THY1: variants seen among roughly 807,000 people sequenced by gnomAD.
The protein encoded by THY1 is thy-1 membrane glycoprotein.
THY1 carries 10 observed loss-of-function variants against 14.9 expected under a neutral mutation model. The observed-to-expected ratio is 0.67, with a 90% CI of 0.41 to 1.14. The LOEUF is 1.14. THY1 is among the 50% of genes most tolerant of loss of function. The pLI, the probability that THY1 is intolerant of heterozygous loss-of-function variation, is 0.00. For missense variants in THY1, 159 were observed against 202.1 expected, an observed-to-expected ratio of 0.79 and a Z score of 1.29; for synonymous variants, 80 against 90.0, an observed-to-expected ratio of 0.89 and a Z score of 0.63.
In THY1 at chr11:119,420,168, T is replaced by A; in HGVS notation, c.256A>T (p.Met86Leu). 1 of 1,614,178 alleles carries A rather than the reference T, an allele frequency of 6.2e-7. No individual in the cohort carries two copies. Among genetic ancestry groups the A allele is most frequent in the Non-Finnish European group, 8.5e-7 (1 of 1,180,018 alleles). Reference sequence around the variant, plus strand: ...AAGGCGGATAAGTAGAGGACCTTCATGTTGTATTTGCTGGTGAAGTTGGTT... The same window carrying A: ...AAGGCGGATAAGTAGAGGACCTTCAAGTTGTATTTGCTGGTGAAGTTGGTT... Reference protein sequence around the residue: ...SRTNFTSKYNMKVLYLSAFTS... With the variant: ...SRTNFTSKYNLKVLYLSAFTS... Residue 86 changes from methionine to leucine, a missense_variant, in exon 3 of 4, where the codon ATG becomes TTG. Physicochemically the swap from Met to Leu is conservative, Grantham distance 15. Transcript: ENST00000284240.
chr11:119,419,363 G>T lies in THY1; in HGVS notation c.*45C>A. ...GCTGACTCAGAGAAGTAGGATCTCT[G>T]CACTGGAACTTGAGGCTTCCTGTCT... On this transcript the variant is annotated 3_prime_UTR_variant, in exon 4 of 4. Transcript: ENST00000284240. 6.5e-7 allele frequency: 1 copy of T among 1,544,420 alleles called. No individual in the cohort carries two copies. The highest frequency in any genetic ancestry group is 8.9e-7 in the Non-Finnish European group (1 of 1,121,006).
Position 119,416,367 on chromosome 11 carries a change from C to T in THY1, c.*3041G>A, listed in dbSNP as rs1861777431. On this transcript the variant is annotated 3_prime_UTR_variant, in exon 4 of 4. Coordinates refer to ENST00000284240, the MANE Select transcript of THY1 (RefSeq NM_006288.5). ...AGTCACCACAGATACCCCACAGCCT[C>T]CACAAGGCCTGCTGACTTGACCAGG... Among the ~76,000 whole-genome samples the T allele has an allele frequency of 6.6e-6, 1 of 152,238 alleles. No homozygotes were observed. Among genetic ancestry groups the T allele is most frequent in the Admixed American group, 6.5e-5 (1 of 15,288 alleles).
At chr11:119,420,446 C>A in intron 2 of THY1, 60 bp from the exon 3 acceptor site, 2 of 1,479,704 alleles carry the variant, frequency 1.4e-6, no homozygotes, top group South Asian at 1.3e-5. Context: ...GCCTCCCACC[C>A]ACCTGAAGTG....
At position 119,416,158 on chromosome 11, in the gene THY1, T is replaced by C. The variant is rs372833579; in HGVS notation, c.*3250A>G. Among the ~76,000 whole-genome samples the C allele has an allele frequency of 2.0e-5, 3 of 151,702 alleles. No homozygotes were observed. The highest frequency in any genetic ancestry group is 3.9e-4 in the East Asian group (2 of 5,160). The stretch of plus-strand genomic sequence containing the variant: ...CTCAGTGGACAATCCAGTCCAGAAA[T>C]GGGGGTGCAGAGAGGGGCTTCTGTT... On this transcript the variant is annotated 3_prime_UTR_variant, in exon 4 of 4. Transcript: ENST00000284240.
intron 2 of THY1, 101 bp from the exon 3 acceptor site, chr11:119,420,487 G>A: frequency 8.4e-7 from 1 of 1,190,734 alleles, no homozygotes; most frequent in Admixed American, 2.8e-5. Flanking sequence ...GAGGGGACCG[G>A]GGTCTGCTCT....
chr11:119,417,051 C>T lies in THY1; in HGVS notation c.*2357G>A, dbSNP rs1316723540. On this transcript the variant is annotated 3_prime_UTR_variant, in exon 4 of 4. Transcript: ENST00000284240. ...TGCCGCTCATTTCCTTCCAGAAATA[C>T]CTCCATACTCTTTTACTATCCTGAG... Among the ~76,000 whole-genome samples, 6 of 152,256 alleles carry T rather than the reference C, an allele frequency of 3.9e-5. No individual in the cohort carries two copies. The East Asian group carries it at 1.2e-3, about 29-fold the overall frequency.
rs1861926454 is a variant in THY1 at position 119,422,481 on chromosome 11, G to T, written c.-25+632C>A. ...CTCAGGCGGCTCCAGACCCAGAGAA[G>T]GTCTGCTCTTCCTCCCTCTCAAGCC... On this transcript the variant is annotated intron_variant, in intron 1 of 3. Transcript: ENST00000284240. This position sits in a 1 kb window ranked among gnomAD's most constrained non-coding sequence, Gnocchi z 7.0. The T allele has an allele frequency of 6.1e-6, 1 of 163,620 alleles. No homozygotes were observed. Among genetic ancestry groups the T allele is most frequent in the South Asian group, 1.7e-4 (1 of 5,958 alleles). The allele number at this position is 163,620 out of a possible 1,614,324, so 10.1% of individuals were successfully genotyped here. A position where few individuals can be genotyped will look rare whatever the true frequency, so the allele number is the denominator to read the frequency against.
chr11:119,423,187 GC>G, upstream of THY1: 1 of 454,678 alleles, frequency 2.2e-6, no homozygotes, highest in South Asian at 1.6e-5. Context: ...CCAGCTCGGA[GC>G]CCGCAGTTTT....
rs1241354523 is a variant in THY1 at position 119,418,337 on chromosome 11, TCTCACTCCATGGCTTGCCTCAGGC to T, written c.*1047_*1070del. The T allele has an allele frequency of 6.6e-6, 1 of 152,392 alleles. No individual in the cohort carries two copies. Among genetic ancestry groups the T allele is most frequent in the African/African-American group, 2.4e-5 (1 of 41,462 alleles). 9.4% of individuals were successfully genotyped at this position (152,392 alleles called of 1,614,324 possible). ...TCCTGAGAAGTGTCCGGCTCCTGGG[TCTCACTCCATGGCTTGCCTCAGGC>T]CCCGCAGAAGTCCCTGAGAAGGCAG... On this transcript the variant is annotated 3_prime_UTR_variant, in exon 4 of 4. Coordinates refer to ENST00000284240, the MANE Select transcript of THY1 (RefSeq NM_006288.5).
At position 119,418,682 on chromosome 11, in the gene THY1, C is replaced by T. The variant is rs921938421; in HGVS notation, c.*726G>A. On this transcript the variant is annotated 3_prime_UTR_variant, in exon 4 of 4. Coordinates refer to ENST00000284240, the MANE Select transcript of THY1 (RefSeq NM_006288.5). The stretch of plus-strand genomic sequence containing the variant: ...CCTTAGGCAGGGAGGGATGATGAAC[C>T]CTCATCCTTTACCTCCTTCTCCAAC... The T allele has an allele frequency of 1.3e-5, 2 of 152,898 alleles. No individual in the cohort carries two copies. The highest frequency in any genetic ancestry group is 4.8e-5 in the African/African-American group (2 of 41,448). 9.5% of individuals were successfully genotyped at this position (152,898 alleles called of 1,614,324 possible). A position where few individuals can be genotyped will look rare whatever the true frequency, so the allele number is the denominator to read the frequency against.
Position 119,418,929 on chromosome 11 carries a change from C to CCGA in THY1, c.*476_*478dup. The CCGA allele has an allele frequency of 5.2e-6, 1 of 192,704 alleles. No homozygotes were observed. The highest frequency in any genetic ancestry group is 1.1e-5 in the Non-Finnish European group (1 of 92,504). The allele number at this position is 192,704 out of a possible 1,614,324, so 11.9% of individuals were successfully genotyped here. On this transcript the variant is annotated 3_prime_UTR_variant, in exon 4 of 4. Transcript: ENST00000284240. ...GGTCTTCAGGCACCAGCCATGCCTG[C>CCGA]CGAGGAGTGCTGTCAGGACAGACCA...
At chr11:119,423,663 C>T (rs1861960012), upstream of THY1, 1 of 179,592 alleles carries the variant, frequency 5.6e-6, no homozygotes, top group African/African-American at 2.4e-5. Flanking sequence ...TGAAAGGAAG[C>T]TGGTTGGGTG....
rs1861807463 is a variant in THY1 at position 119,417,826 on chromosome 11, A to T, written c.*1582T>A. The T allele has an allele frequency of 7.3e-6, 1 of 137,676 alleles. No homozygotes were observed. Among genetic ancestry groups the T allele is most frequent in the Non-Finnish European group, 1.7e-5 (1 of 58,688 alleles). 8.5% of individuals were successfully genotyped at this position (137,676 alleles called of 1,614,324 possible). ...CTGAAGAACTACCAGAGCTGAGAAG[A>T]AAAAGCAGACTGCATAGCTTAGCGC... On this transcript the variant is annotated 3_prime_UTR_variant, in exon 4 of 4. Coordinates refer to ENST00000284240, the MANE Select transcript of THY1 (RefSeq NM_006288.5).
At position 119,419,235 on chromosome 11, in the gene THY1, C is replaced by A; in HGVS notation, c.*173G>T. The A allele has an allele frequency of 1.5e-6, 1 of 686,572 alleles. No homozygotes were observed. The highest frequency in any genetic ancestry group is 2.1e-5 in the Admixed American group (1 of 48,716). 42.5% of individuals were successfully genotyped at this position (686,572 alleles called of 1,614,324 possible). ...AGGTGTGCGGAGAGGGTGAGGTGGC[C>A]GCGTGGACGTGGGTAGATAATCGCA... On this transcript the variant is annotated 3_prime_UTR_variant, in exon 4 of 4. Coordinates refer to ENST00000284240, the MANE Select transcript of THY1 (RefSeq NM_006288.5).
At position 119,417,769 on chromosome 11, in the gene THY1, C is replaced by G. The variant is rs1437805472; in HGVS notation, c.*1639G>C. On this transcript the variant is annotated 3_prime_UTR_variant, in exon 4 of 4. Coordinates refer to ENST00000284240, the MANE Select transcript of THY1 (RefSeq NM_006288.5). ...ATCTCCCACCCTTCGTGCTCACCCT[C>G]GCAATAGTGGATGTGCCTGGAGGGT... 6.6e-6 allele frequency: 1 copy of G among 152,312 alleles called. No homozygotes were observed. Among genetic ancestry groups the G allele is most frequent in the South Asian group, 2.1e-4 (1 of 4,834 alleles). 9.4% of individuals were successfully genotyped at this position (152,312 alleles called of 1,614,324 possible).
Position 119,420,067 on chromosome 11 carries a change from G to A in THY1, c.357C>T (p.Asn119=), listed in dbSNP as rs111763470. The A allele has an allele frequency of 1.3e-5, 21 of 1,613,380 alleles. No individual in the cohort carries two copies. Among genetic ancestry groups the A allele is most frequent in the African/African-American group, 1.1e-4 (8 of 75,068 alleles). ...TTGTCTCACCTCTGAGCACTGTGAC[G>A]TTCTGGGAGGAGATGGGTGGGGAAT... ...SGHSPPISSQ[N]VTVLRDKLVK... The change falls in exon 3 of 4, where the codon AAC becomes AAT. Residue 119 remains asparagine (N), a synonymous_variant. Transcript: ENST00000284240.
upstream of THY1, chr11:119,423,395 G>A (rs1803505180): frequency 8.4e-6 from 3 of 358,150 alleles, no homozygotes; most frequent in Non-Finnish European, 1.7e-5. Flanking sequence ...CCAGGGACGG[G>A]AGGGTTCGGG....
Position 119,423,151 on chromosome 11 carries a change from C to G in THY1, c.-63G>C. 1 of 455,940 alleles carries G rather than the reference C, an allele frequency of 2.2e-6. No individual in the cohort carries two copies. Among genetic ancestry groups the G allele is most frequent in the Non-Finnish European group, 4.4e-6 (1 of 226,908 alleles). 28.2% of individuals were successfully genotyped at this position (455,940 alleles called of 1,614,324 possible). On this transcript the variant is annotated 5_prime_UTR_variant, in exon 1 of 4. Transcript: ENST00000284240. The stretch of plus-strand genomic sequence containing the variant: ...TTCCGCTGCTGCAGCCTCCTCCAGA[C>G]GCGCCGCCGCCTCCGGTTGCTGCAC...
At chr11:119,423,190 C>A, upstream of THY1, 1 of 454,832 alleles carries the variant, frequency 2.2e-6, no homozygotes, top group Non-Finnish European at 4.4e-6. Context: ...GCTCGGAGCC[C>A]GCAGTTTTCA....
Sources: gnomAD v4.1 joint callset for allele counts (sites outside exome capture counted in the v4.1 genomes callset) on GRCh38, gnomAD v4.1.1 for gene constraint, Gnocchi (gnomAD v3.1) non-coding constraint, MANE v1.5 for transcripts, NCBI Gene and HGNC (gene_info 2026-07-23, HGNC 2026-07-21) for gene names.